The following CRIM1 variants were observed in gnomAD, a reference collection of about 807,000 sequenced individuals.
CRIM1 encodes cysteine rich transmembrane BMP regulator 1.
In CRIM1, 32 loss-of-function variants were observed where a neutral mutation model predicts 116.4. That is an observed-to-expected ratio of 0.27 (90% CI 0.21 to 0.37). CRIM1 has a LOEUF of 0.37. Ranked by LOEUF, CRIM1 falls within the 10% of genes least tolerant of loss-of-function variation. The pLI is 1.00. For missense variants in CRIM1, 1,331 were observed against 1,354.8 expected (o/e 0.98, Z 0.28); for synonymous variants, 590 against 509.2 (o/e 1.16, Z -2.13).
At chr2:36,397,496 G>C (rs958010738) in intron 2 of CRIM1, among the ~76,000 whole-genome samples, 1 of 152,098 alleles carries the variant, frequency 6.6e-6, no homozygotes, top group East Asian at 1.9e-4. Flanking sequence ...TTGGGTCTCA[G>C]CTCTGCCGCT....
At chr2:36,419,117 G>A (rs1673860485) in intron 2 of CRIM1, among the ~76,000 whole-genome samples, 1 of 152,212 alleles carries the variant, frequency 6.6e-6, no homozygotes, top group Admixed American at 6.5e-5. Flanking sequence ...TCCAGCAATT[G>A]GTAGAGTAGC....
chr2:36,460,067 A>T (rs1572783914), intron 4 of CRIM1, among the ~76,000 whole-genome samples: 1 of 152,224 alleles, frequency 6.6e-6, no homozygotes, highest in East Asian at 1.9e-4. Flanking sequence ...TCAGGCACTC[A>T]GGTGCCCACT....
At position 36,400,439 on chromosome 2, in the gene CRIM1, G is replaced by A. The variant is rs180960133; in HGVS notation, c.505+3652G>A. Reference sequence around the variant, plus strand: ...GATGCCAAGGAATAGTAGCAGGGAAGAGACATGGAGCCAGAGGTTCTGCAG... The same window carrying A: ...GATGCCAAGGAATAGTAGCAGGGAAAAGACATGGAGCCAGAGGTTCTGCAG... On this transcript the variant is annotated intron_variant, in intron 2 of 16. Coordinates refer to ENST00000280527, the MANE Select transcript of CRIM1 (RefSeq NM_016441.3). 9.9e-4 allele frequency among the ~76,000 whole-genome samples: 150 copies of A among 152,276 alleles called. 1 individual carries two copies. The highest frequency in any genetic ancestry group is 6.6e-3 in the South Asian group (32 of 4,826).
At chr2:36,381,806 A>C (rs371790126) in intron 1 of CRIM1, among the ~76,000 whole-genome samples, 1 of 152,280 alleles carries the variant, frequency 6.6e-6, no homozygotes, top group African/African-American at 2.4e-5. Context: ...CTTCCATGCC[A>C]TTTTTATTTT....
At chr2:36,363,201 A>T (rs1300492306) in intron 1 of CRIM1, among the ~76,000 whole-genome samples, 1 of 144,380 alleles carries the variant, frequency 6.9e-6, no homozygotes, top group Non-Finnish European at 1.5e-5. Context: ...CCCTGTCTCA[A>T]AAAAAAAAAA....
At chr2:36,505,169 C>T (rs1240388672) in intron 8 of CRIM1, among the ~76,000 whole-genome samples, 2 of 152,168 alleles carry the variant, frequency 1.3e-5, no homozygotes, top group Admixed American at 6.5e-5. Context: ...CATTTCTTTA[C>T]TTAGTAGTCT....
chr2:36,478,797 T>A (rs1679183553), intron 6 of CRIM1, among the ~76,000 whole-genome samples: 1 of 152,118 alleles, frequency 6.6e-6, no homozygotes, highest in Non-Finnish European at 1.5e-5. Flanking sequence ...AAGAGAGGGT[T>A]TCATATGCAG....
At chr2:36,382,340 G>A (rs1032285144) in intron 1 of CRIM1, among the ~76,000 whole-genome samples, 7 of 152,240 alleles carry the variant, frequency 4.6e-5, no homozygotes, top group African/African-American at 7.2e-5. Flanking sequence ...AGTGGAAAGC[G>A]ATCCTAACTG....
At chr2:36,535,534 T>C (rs1157136344) in intron 13 of CRIM1, among the ~76,000 whole-genome samples, 2 of 152,202 alleles carry the variant, frequency 1.3e-5, no homozygotes, top group Admixed American at 1.3e-4. Flanking sequence ...ACTAGAACTT[T>C]CCATGATTAC....
intron 1 of CRIM1, among the ~76,000 whole-genome samples, chr2:36,361,823 G>A (rs1394696991): frequency 1.3e-5 from 2 of 152,162 alleles, no homozygotes; most frequent in South Asian, 2.1e-4. Flanking sequence ...CGTATGGCAC[G>A]TTTGGTATCA....
chr2:36,391,924 TTAAAA>T (rs1671643033), intron 1 of CRIM1, among the ~76,000 whole-genome samples: 1 of 152,174 alleles, frequency 6.6e-6, no homozygotes, highest in Non-Finnish European at 1.5e-5. Flanking sequence ...TGGTAAGGAA[TTAAAA>T]TAATAAAATA....
rs11318146 is a variant in CRIM1 at position 36,548,267 on chromosome 2, CTTT to C, written c.2935-244_2935-242del. 9.0e-3 allele frequency among the ~76,000 whole-genome samples: 1,247 copies of C among 137,822 alleles called. 27 individuals carry two copies. Among genetic ancestry groups the C allele is most frequent in the African/African-American group, 0.032 (1,200 of 37,526 alleles). The allele number at this position is 137,822 out of a possible 152,430, so 90.4% of individuals were successfully genotyped here. A position where few individuals can be genotyped will look rare whatever the true frequency, so the allele number is the denominator to read the frequency against. On this transcript the variant is annotated intron_variant, in intron 16 of 16. Transcript: ENST00000280527. Reference sequence around the variant, plus strand: ...AAGGATTTGAAATCATTTCACCAGTCTTTTTTTTTTTTTTTTCAGTTCCTTCAT... The same window carrying C: ...AAGGATTTGAAATCATTTCACCAGTCTTTTTTTTTTTTTCAGTTCCTTCAT...
At chr2:36,424,937 C>T (rs1674341038) in intron 2 of CRIM1, among the ~76,000 whole-genome samples, 1 of 152,200 alleles carries the variant, frequency 6.6e-6, no homozygotes, top group Admixed American at 6.5e-5. Flanking sequence ...CCTCTATTCT[C>T]TCTTCTTGGA....
intron 2 of CRIM1, among the ~76,000 whole-genome samples, chr2:36,418,546 C>T (rs1444759584): frequency 6.6e-6 from 1 of 152,216 alleles, no homozygotes; most frequent in Non-Finnish European, 1.5e-5. Context: ...CTCGGCCTCC[C>T]AAAGTGCTGG....
In CRIM1 at chr2:36,550,066, TGCGCGC is replaced by T. The variant is rs34148376; in HGVS notation, c.*1368_*1373del. On this transcript the variant is annotated 3_prime_UTR_variant, in exon 17 of 17. Transcript: ENST00000280527. The stretch of plus-strand genomic sequence containing the variant: ...ATGTGTGTGTGTGTGTGTGTGTGTG[TGCGCGC>T]GCACGCACGCCTTGAGCAGTCAGCA... 1 of 149,678 alleles carries T rather than the reference TGCGCGC, an allele frequency of 6.7e-6. No homozygotes were observed. The highest frequency in any genetic ancestry group is 2.5e-5 in the African/African-American group (1 of 39,902). 9.3% of individuals were successfully genotyped at this position (149,678 alleles called of 1,614,324 possible).
chr2:36,544,372 T>A lies in CRIM1; in HGVS notation c.2624-4T>A, dbSNP rs1371624284. On this transcript the variant is annotated splice_polypyrimidine_tract_variant and splice_region_variant and intron_variant, in intron 14 of 16. Transcript: ENST00000280527. The stretch of plus-strand genomic sequence containing the variant: ...CTCTTAGGAAAAATGTTCCCTTCTT[T>A]TAGAAATGTATGTCCCAGAACCAAC... The A allele has an allele frequency of 3.7e-6, 5 of 1,343,878 alleles. No homozygotes were observed. Among genetic ancestry groups the A allele is most frequent in the Non-Finnish European group, 4.8e-6 (5 of 1,037,796 alleles). The allele number at this position is 1,343,878 out of a possible 1,614,324, so 83.2% of individuals were successfully genotyped here.
chr2:36,463,372 C>A (rs1009646810), intron 4 of CRIM1, among the ~76,000 whole-genome samples: 28 of 152,188 alleles, frequency 1.8e-4, no homozygotes, highest in African/African-American at 6.5e-4. Context: ...GACAAAAGCA[C>A]AATTAATGAA....
chr2:36,478,061 T>A (rs1419866380), intron 6 of CRIM1, among the ~76,000 whole-genome samples: 1 of 152,216 alleles, frequency 6.6e-6, no homozygotes, highest in Non-Finnish European at 1.5e-5. Flanking sequence ...GAGGGCACAG[T>A]GTCATGCCAC....
chr2:36,409,136 C>T (rs1201095353), intron 2 of CRIM1, among the ~76,000 whole-genome samples: 1 of 152,094 alleles, frequency 6.6e-6, no homozygotes, highest in Non-Finnish European at 1.5e-5. Context: ...AAGCAAAGCC[C>T]TACTTTCCTC....
Sources: gnomAD v4.1 joint callset for allele counts (sites outside exome capture counted in the v4.1 genomes callset) on GRCh38, gnomAD v4.1.1 for gene constraint, MANE v1.5 for transcripts, NCBI Gene and HGNC (gene_info 2026-07-23, HGNC 2026-07-21) for gene names.